DOCK7: variants seen among roughly 807,000 people sequenced by gnomAD.
The protein encoded by DOCK7 is dedicator of cytokinesis protein 7.
A neutral mutation model predicts 271.0 loss-of-function variants in DOCK7; 138 were observed. The ratio of observed to expected loss-of-function variants is 0.51; its 90% confidence interval spans 0.44 to 0.59. The LOEUF (loss-of-function observed/expected upper bound fraction) is 0.59, where lower values mean the gene tolerates loss of function less well. Among genes scored for constraint, DOCK7 ranks in the 20% least tolerant of loss-of-function variants. The pLI is 0.00. For missense variants in DOCK7, 2,066 were observed against 2,592.4 expected, an observed-to-expected ratio of 0.80 and a Z score of 4.41; for synonymous variants, 823 against 876.1, an observed-to-expected ratio of 0.94 and a Z score of 1.07.
chr1:62,533,717 A>T (rs1401418520), intron 29 of DOCK7, among the ~76,000 whole-genome samples: 1 of 152,226 alleles, frequency 6.6e-6, no homozygotes, highest in African/African-American at 2.4e-5. Context: ...TTTCACTTGC[A>T]GATCTGGCCT....
At chr1:62,535,394 A>C in intron 29 of DOCK7, 99 bp downstream of exon 29, 1 of 1,002,422 alleles carries the variant, frequency 1.0e-6, no homozygotes, top group Non-Finnish European at 1.4e-6. Context: ...AGAGTGTGAA[A>C]GATTATTCTC....
chr1:62,458,447 T>G (rs1226772214), intron 48 of DOCK7: 3 of 152,168 alleles, frequency 2.0e-5, no homozygotes, highest in Non-Finnish European at 4.4e-5. Flanking sequence ...TAGAAGCTCT[T>G]TCAGGGATGT....
chr1:62,602,261 C>T (rs1557783847), intron 14 of DOCK7: 5 of 1,551,692 alleles, frequency 3.2e-6, no homozygotes, highest in South Asian at 1.1e-5. Flanking sequence ...ACTAAAAATA[C>T]ATGATTTCAT....
At chr1:62,540,399 C>A (rs965900730) in intron 25 of DOCK7, among the ~76,000 whole-genome samples, 1 of 152,080 alleles carries the variant, frequency 6.6e-6, no homozygotes, top group Non-Finnish European at 1.5e-5. Context: ...TCTCAAACTC[C>A]TGGCCTCAAG....
intron 24 of DOCK7, 128 bp downstream of exon 24, chr1:62,543,528 T>G: frequency 1.7e-6 from 1 of 591,434 alleles, no homozygotes; most frequent in Admixed American, 2.8e-5. Context: ...CAATGCTTGT[T>G]CAGATATATT....
intron 17 of DOCK7, 48 bp downstream of exon 17, chr1:62,578,780 A>G: frequency 6.9e-7 from 1 of 1,450,524 alleles, no homozygotes; most frequent in Non-Finnish European, 9.2e-7. Context: ...CTTAAATATC[A>G]CCATTATTTT....
chr1:62,618,147 C>A (rs1200160168), intron 14 of DOCK7, among the ~76,000 whole-genome samples: 1 of 152,086 alleles, frequency 6.6e-6, no homozygotes, highest in African/African-American at 2.4e-5. Flanking sequence ...ATGCAAATGG[C>A]ACCCCCAGAG....
chr1:62,480,203 A>C (rs1263645500), intron 43 of DOCK7, among the ~76,000 whole-genome samples: 1 of 152,222 alleles, frequency 6.6e-6, no homozygotes. Flanking sequence ...AGATATAACC[A>C]TAATACTGTT....
chr1:62,567,814 ACTATTAG>A, intron 18 of DOCK7, among the ~76,000 whole-genome samples: 1 of 152,106 alleles, frequency 6.6e-6, no homozygotes, highest in East Asian at 1.9e-4. Flanking sequence ...AGCAATAAAC[ACTATTAG>A]CTCTTTCAAT....
rs1557839080 is a variant in DOCK7 at position 62,636,592 on chromosome 1, T to G, written c.830A>C (p.Glu277Ala). The G allele has an allele frequency of 6.2e-7, 1 of 1,600,482 alleles. No homozygotes were observed. Among genetic ancestry groups the G allele is most frequent in the Non-Finnish European group, 8.5e-7 (1 of 1,171,246 alleles). ...CAAACTTGCAAAAATGGGTTCAATT[T>G]CAATTTCAAACCTTTATGAAGAAAA... Reference protein sequence around the residue: ...VKCLSLKFEIEIEPIFASLAL... With the variant: ...VKCLSLKFEIAIEPIFASLAL... Residue 277 changes from glutamate to alanine, a missense_variant, in exon 8 of 50, where the codon GAA becomes GCA. Transcript: ENST00000635253.
chr1:62,557,966 T>C (rs1358009953), intron 20 of DOCK7, among the ~76,000 whole-genome samples: 1 of 152,042 alleles, frequency 6.6e-6, no homozygotes, highest in Non-Finnish European at 1.5e-5. Flanking sequence ...CACTTTTAAG[T>C]CATCTCTACA....
chr1:62,470,317 G>A (rs370372972), intron 48 of DOCK7, among the ~76,000 whole-genome samples: 103 of 152,272 alleles, frequency 6.8e-4, no homozygotes, highest in African/African-American at 2.3e-3. Context: ...ACTCAGGAAT[G>A]AAAAAACCAA....
intron 14 of DOCK7, chr1:62,609,140 C>A (rs1651421911): frequency 6.6e-6 from 1 of 152,054 alleles, no homozygotes; most frequent in South Asian, 2.1e-4. Context: ...ATTATCATGG[C>A]AAATCAACTA....
intron 31 of DOCK7, among the ~76,000 whole-genome samples, chr1:62,514,589 A>G (rs937818298): frequency 5.3e-5 from 8 of 152,082 alleles, no homozygotes; most frequent in Non-Finnish European, 7.4e-5. Flanking sequence ...TTAGTCCTCC[A>G]ACAGTATTGC....
At chr1:62,572,845 G>A (rs1571603484) in intron 18 of DOCK7, among the ~76,000 whole-genome samples, 1 of 152,096 alleles carries the variant, frequency 6.6e-6, no homozygotes, top group African/African-American at 2.4e-5. Flanking sequence ...CTTGCCCAGG[G>A]TCACACAATT....
chr1:62,606,779 G>A (rs999387815), intron 14 of DOCK7, among the ~76,000 whole-genome samples: 28 of 151,700 alleles, frequency 1.8e-4, no homozygotes, highest in African/African-American at 6.1e-4. Context: ...CTGCTCTCAC[G>A]GACTCCTTTA....
intron 18 of DOCK7, among the ~76,000 whole-genome samples, chr1:62,565,590 C>G (rs1464458314): frequency 6.6e-6 from 1 of 152,036 alleles, no homozygotes; most frequent in Non-Finnish European, 1.5e-5. Flanking sequence ...TAAGACAAAC[C>G]CACAGCCAAT....
At chr1:62,580,584 A>T (rs1647084118) in intron 16 of DOCK7, among the ~76,000 whole-genome samples, 1 of 152,210 alleles carries the variant, frequency 6.6e-6, no homozygotes, top group African/African-American at 2.4e-5. Flanking sequence ...AAAATTAAAT[A>T]TCTAAGAGAG....
intron 2 of DOCK7, 22 bp from the exon 3 acceptor site, chr1:62,654,181 G>A: frequency 6.3e-7 from 1 of 1,591,068 alleles, no homozygotes; most frequent in Admixed American, 1.8e-5. Context: ...GTTGGGATAA[G>A]AGATGGGTAG....
Sources: allele counts gnomAD v4.1 joint callset (sites outside exome capture counted in the v4.1 genomes callset), GRCh38; gene constraint gnomAD v4.1.1; transcripts MANE v1.5; gene names NCBI Gene and HGNC (gene_info 2026-07-23, HGNC 2026-07-21).